The following PTPRM variants were observed in gnomAD, a reference collection of about 807,000 sequenced individuals.
The protein encoded by PTPRM is receptor-type tyrosine-protein phosphatase mu.
Under a neutral mutation model 186.7 loss-of-function variants are expected in PTPRM, and 47 were observed. That is an observed-to-expected ratio of 0.25 (90% confidence interval 0.20 to 0.32). The LOEUF (loss-of-function observed/expected upper bound fraction) is 0.32, where lower values mean the gene tolerates loss of function less well. PTPRM is among the 10% of genes least tolerant of loss of function. The pLI is 1.00. For missense variants in PTPRM, 1,494 were observed against 1,865.0 expected (o/e 0.80, Z 3.66); for synonymous variants, 668 against 674.9 (o/e 0.99, Z 0.16).
chr18:8,177,540 G>T (rs2146536324), intron 14 of PTPRM, among the ~76,000 whole-genome samples: 1 of 152,296 alleles, frequency 6.6e-6, no homozygotes, highest in Non-Finnish European at 1.5e-5. Flanking sequence ...TGCTGTGATT[G>T]GCTAAGGCTT....
intron 1 of PTPRM, among the ~76,000 whole-genome samples, chr18:7,648,457 G>C (rs1184755876): frequency 6.6e-6 from 1 of 152,206 alleles, no homozygotes; most frequent in Non-Finnish European, 1.5e-5. Context: ...CATGTTGAAA[G>C]CCGAGATAGG....
rs138562944 is a variant in PTPRM, at chr18:8,064,215, G to A, written c.1133-5471G>A. On this transcript the variant is annotated intron_variant, in intron 7 of 32. Transcript: ENST00000580170. ...ATCTATTTCCCAGCGAGATGGGGCA[G>A]TAGTTTACTTACCTTTACAATTTAA... is the stretch of plus-strand genomic sequence containing the variant. 1.7e-3 allele frequency among the ~76,000 whole-genome samples: 252 copies of A among 152,264 alleles called. 2 individuals are homozygous for A. Among genetic ancestry groups the A allele is most frequent in the African/African-American group, 5.8e-3 (243 of 41,568 alleles).
At chr18:8,330,450 C>A (rs1444281211) in intron 22 of PTPRM, among the ~76,000 whole-genome samples, 1 of 152,104 alleles carries the variant, frequency 6.6e-6, no homozygotes, top group Non-Finnish European at 1.5e-5. Flanking sequence ...GATTTATTCT[C>A]TTTTTTCTTA....
intron 1 of PTPRM, among the ~76,000 whole-genome samples, chr18:7,642,664 A>T (rs1167093812): frequency 1.3e-5 from 2 of 152,040 alleles, no homozygotes; most frequent in East Asian, 3.9e-4. Flanking sequence ...GAGCAGCATT[A>T]TGTGTGGGTT....
At chr18:8,041,239 T>A (rs1302778943) in intron 7 of PTPRM, among the ~76,000 whole-genome samples, 2 of 152,200 alleles carry the variant, frequency 1.3e-5, no homozygotes, top group Non-Finnish European at 2.9e-5. Flanking sequence ...TTTTACCAGG[T>A]GAAATTCATG....
chr18:7,629,516 A>G (rs990979207), intron 1 of PTPRM, among the ~76,000 whole-genome samples: 2 of 152,182 alleles, frequency 1.3e-5, no homozygotes, highest in Non-Finnish European at 2.9e-5. Context: ...GTGGTGGGGT[A>G]TAACAGAGGT....
At chr18:8,301,951 G>A (rs538478889) in intron 20 of PTPRM, among the ~76,000 whole-genome samples, 1 of 152,312 alleles carries the variant, frequency 6.6e-6, no homozygotes, top group South Asian at 2.1e-4. Context: ...CCAGGTGGCC[G>A]GTACAGCAGG....
chr18:8,112,441 A>G (rs1029481691), intron 11 of PTPRM, among the ~76,000 whole-genome samples: 1 of 152,090 alleles, frequency 6.6e-6, no homozygotes, highest in Non-Finnish European at 1.5e-5. Flanking sequence ...CTTGGCATTA[A>G]TGGGTTCTTG....
chr18:8,388,852 T>A (rs900057720), intron 31 of PTPRM, among the ~76,000 whole-genome samples: 2 of 152,030 alleles, frequency 1.3e-5, no homozygotes, highest in Non-Finnish European at 2.9e-5. Flanking sequence ...TCCCAGCTAC[T>A]CGGGAGACTG....
In PTPRM at chr18:7,885,874, C is replaced by A. The variant is rs528265002; in HGVS notation, c.197-2232C>A. ...ACAGTTTTGGAAAACTGGGTGATTT[C>A]CTTAACAGTAATGGTAGAAAGGTAC... is the stretch of plus-strand genomic sequence containing the variant. On this transcript the variant is annotated intron_variant, in intron 2 of 32. Coordinates refer to ENST00000580170, the MANE Select transcript of PTPRM (RefSeq NM_001105244.2). 2.0e-4 allele frequency among the ~76,000 whole-genome samples: 31 copies of A among 152,218 alleles called. No individual in the cohort carries two copies. In the South Asian group the frequency reaches 6.0e-3, roughly 30 times the overall value.
chr18:8,283,263 C>G (rs922181170), intron 19 of PTPRM, among the ~76,000 whole-genome samples: 3 of 152,226 alleles, frequency 2.0e-5, no homozygotes, highest in African/African-American at 7.2e-5. Flanking sequence ...TAAATGGAAG[C>G]TCTCCATACC....
At chr18:7,627,110 T>C (rs1363466603) in intron 1 of PTPRM, among the ~76,000 whole-genome samples, 2 of 152,252 alleles carry the variant, frequency 1.3e-5, no homozygotes, top group African/African-American at 4.8e-5. Context: ...CACTGAAATA[T>C]TGGTGGAATG....
intron 7 of PTPRM, among the ~76,000 whole-genome samples, chr18:7,993,811 A>G (rs2083389044): frequency 6.6e-6 from 1 of 152,134 alleles, no homozygotes; most frequent in Non-Finnish European, 1.5e-5. Context: ...AAGAGCAGAT[A>G]CGTATATGAG....
intron 23 of PTPRM, among the ~76,000 whole-genome samples, chr18:8,366,389 C>T (rs893887802): frequency 6.6e-6 from 1 of 152,194 alleles, no homozygotes; most frequent in Non-Finnish European, 1.5e-5. Flanking sequence ...GTCAGACCTA[C>T]CGAATTTATT....
chr18:7,715,610 A>G (rs886354965), intron 1 of PTPRM, among the ~76,000 whole-genome samples: 37 of 152,238 alleles, frequency 2.4e-4, no homozygotes, highest in Non-Finnish European at 5.9e-5. Context: ...AGAAAACCCC[A>G]TCATCTCAAC....
chr18:8,216,948 G>A (rs2094094185), intron 14 of PTPRM, among the ~76,000 whole-genome samples: 1 of 152,200 alleles, frequency 6.6e-6, no homozygotes, highest in Non-Finnish European at 1.5e-5. Context: ...TGGTTTAAAG[G>A]AAATGGAGGT....
rs751267914 is a variant in PTPRM at position 7,626,153 on chromosome 18, G to A, written c.73+58262G>A. On this transcript the variant is annotated intron_variant, in intron 1 of 32. Coordinates refer to ENST00000580170, the MANE Select transcript of PTPRM (RefSeq NM_001105244.2). The stretch of plus-strand genomic sequence containing the variant: ...GGAAAAGGAAAGGCTCTGTAGCCCC[G>A]TCTTCAGAACTAAATTCTCCAAAGC... 4.6e-5 allele frequency among the ~76,000 whole-genome samples: 7 copies of A among 152,178 alleles called. No individual in the cohort carries two copies. In the East Asian group the frequency reaches 7.7e-4, roughly 17 times the overall value.
intron 13 of PTPRM, among the ~76,000 whole-genome samples, chr18:8,141,510 C>T (rs2092766522): frequency 6.6e-6 from 1 of 152,128 alleles, no homozygotes; most frequent in African/African-American, 2.4e-5. Context: ...GGTAACCACC[C>T]CTCCTTGGCC....
At chr18:7,919,292 C>G (rs1165551228) in intron 4 of PTPRM, among the ~76,000 whole-genome samples, 1 of 151,998 alleles carries the variant, frequency 6.6e-6, no homozygotes, top group Admixed American at 6.5e-5. Context: ...TTTTCTGGTT[C>G]CATATAAATT....
Sources: allele counts gnomAD v4.1 joint callset (sites outside exome capture counted in the v4.1 genomes callset), GRCh38; gene constraint gnomAD v4.1.1; transcripts MANE v1.5; gene names NCBI Gene and HGNC (gene_info 2026-07-23, HGNC 2026-07-21).